IRAK4: variants seen among roughly 807,000 people sequenced by gnomAD.
IRAK4 encodes interleukin-1 receptor-associated kinase 4.
A neutral mutation model predicts 51.8 loss-of-function variants in IRAK4; 44 were observed. That is an observed-to-expected ratio of 0.85 (90% CI 0.67 to 1.09). The LOEUF (loss-of-function observed/expected upper bound fraction) is 1.09, where lower values mean the gene tolerates loss of function less well. IRAK4 is among the 50% of genes least tolerant of loss of function. The pLI is 0.00. For missense variants in IRAK4, 487 were observed against 538.0 expected, an observed-to-expected ratio of 0.91 and a Z score of 0.94; for synonymous variants, 149 against 174.1, an observed-to-expected ratio of 0.86 and a Z score of 1.13.
Position 43,779,769 on chromosome 12 carries a change from T to C in IRAK4, c.941+1467T>C, listed in dbSNP as rs894552556. On this transcript the variant is annotated intron_variant, in intron 8 of 11. Coordinates refer to ENST00000613694, the MANE Select transcript of IRAK4 (RefSeq NM_016123.4). The stretch of plus-strand genomic sequence containing the variant: ...GATGGTTAGAAAATGTGAATTCTCT[T>C]TTGTACATGTTGTGTTTGGGGTGCT... 2.6e-4 allele frequency among the ~76,000 whole-genome samples: 40 copies of C among 152,168 alleles called. 1 individual carries two copies. Among genetic ancestry groups the C allele is most frequent in the African/African-American group, 8.9e-4 (37 of 41,446 alleles).
intron 8 of IRAK4, among the ~76,000 whole-genome samples, chr12:43,779,073 G>A (rs1040316652): frequency 6.6e-6 from 1 of 152,082 alleles, no homozygotes; most frequent in Non-Finnish European, 1.5e-5. Flanking sequence ...ACCTGACTAT[G>A]TTCCCTGAAC....
chr12:43,764,244 C>T (rs915169606), intron 1 of IRAK4, among the ~76,000 whole-genome samples: 4 of 152,042 alleles, frequency 2.6e-5, no homozygotes, highest in African/African-American at 4.8e-5. Flanking sequence ...GTCAACATGG[C>T]GAAACCCCAT....
At chr12:43,763,924 G>A (rs896177572) in intron 1 of IRAK4, among the ~76,000 whole-genome samples, 1 of 152,032 alleles carries the variant, frequency 6.6e-6, no homozygotes, top group Non-Finnish European at 1.5e-5. Context: ...GAAGTCTCTG[G>A]TATGCTACCA....
At chr12:43,780,629 T>C (rs185530922) in intron 8 of IRAK4, among the ~76,000 whole-genome samples, 102 of 151,786 alleles carry the variant, frequency 6.7e-4, no homozygotes, top group Middle Eastern at 3.4e-3. Flanking sequence ...TGGAGTGCGA[T>C]GGCGCGGTCT....
At chr12:43,764,708 T>C (rs186984893) in intron 1 of IRAK4, among the ~76,000 whole-genome samples, 8 of 152,286 alleles carry the variant, frequency 5.3e-5, no homozygotes, top group Admixed American at 3.9e-4. Flanking sequence ...TTGCCCTTGT[T>C]TGATGAGAGA....
At chr12:43,760,271 C>G (rs898349856) in intron 1 of IRAK4, among the ~76,000 whole-genome samples, 1 of 152,244 alleles carries the variant, frequency 6.6e-6, no homozygotes, top group African/African-American at 2.4e-5. Context: ...GACTTCTGCA[C>G]TTGCTCTGCT....
intron 2 of IRAK4, chr12:43,770,959 T>G: frequency 1.6e-6 from 1 of 621,818 alleles, no homozygotes. Context: ...CTATTTTTCT[T>G]TTTCTCTCTC....
intron 10 of IRAK4, among the ~76,000 whole-genome samples, chr12:43,784,677 A>G (rs1942058285): frequency 6.6e-6 from 1 of 152,238 alleles, no homozygotes; most frequent in African/African-American, 2.4e-5. Context: ...AGAAAAACAT[A>G]AGCTGTATCT....
chr12:43,782,323 G>A lies in IRAK4; in HGVS notation c.958G>A (p.Asp320Asn), dbSNP rs1234920189. Residue 320 changes from aspartate (D) to asparagine (N), a missense_variant, in exon 9 of 12, where the codon GAT becomes AAT. Transcript: ENST00000613694. Reference sequence around the variant, plus strand: ...TTTTTTCAGTGCAAATATCTTACTGGATGAAGCTTTTACTGCTAAAATATC... The same window carrying A: ...TTTTTTCAGTGCAAATATCTTACTGAATGAAGCTTTTACTGCTAAAATATC... Reference protein sequence around the residue: ...RDIKSANILLDEAFTAKISDF... With the variant: ...RDIKSANILLNEAFTAKISDF... 6.2e-7 allele frequency: 1 copy of A among 1,612,914 alleles called. No homozygotes were observed. The highest frequency in any genetic ancestry group is 1.3e-5 in the African/African-American group (1 of 74,832).
In IRAK4 at chr12:43,774,429, A is replaced by G. The variant is rs1277444542; in HGVS notation, c.716+400A>G. On this transcript the variant is annotated intron_variant, in intron 6 of 11. Coordinates refer to ENST00000613694, the MANE Select transcript of IRAK4 (RefSeq NM_016123.4). ...CTGGCTAATTTTTTTCTGTATTTTT[A>G]GTAGAGACGGGGTTTCACCGTGTTA... 2.0e-5 allele frequency among the ~76,000 whole-genome samples: 3 copies of G among 152,092 alleles called. No individual in the cohort carries two copies. In the East Asian group the frequency reaches 5.8e-4, roughly 29 times the overall value.
chr12:43,759,911 A>G (rs1222067290), intron 1 of IRAK4, among the ~76,000 whole-genome samples: 1 of 151,890 alleles, frequency 6.6e-6, no homozygotes, highest in African/African-American at 2.4e-5. Context: ...AGAAAGCGAG[A>G]AAGCACTTTG....
In IRAK4 at chr12:43,782,016, G is replaced by A. The variant is rs183984350; in HGVS notation, c.942-291G>A. 5.1e-3 allele frequency among the ~76,000 whole-genome samples: 771 copies of A among 152,198 alleles called. 9 individuals carry two copies. The highest frequency in any genetic ancestry group is 0.017 in the African/African-American group (716 of 41,552). On this transcript the variant is annotated intron_variant, in intron 8 of 11. Coordinates refer to ENST00000613694, the MANE Select transcript of IRAK4 (RefSeq NM_016123.4). ...AATAATGAAAATATCTCTTACTAAT[G>A]TAGACAGTTTTATTTCATTTTTATT...
At chr12:43,777,465 A>T (rs921809828) in intron 6 of IRAK4, among the ~76,000 whole-genome samples, 165 bp from the exon 7 acceptor site, 8 of 152,218 alleles carry the variant, frequency 5.3e-5, no homozygotes, top group Non-Finnish European at 1.2e-4. Context: ...AGAAAATTAT[A>T]AACAGTTACA....
chr12:43,776,619 A>G (rs1009084794), intron 6 of IRAK4, among the ~76,000 whole-genome samples: 3 of 152,254 alleles, frequency 2.0e-5, no homozygotes, highest in Non-Finnish European at 4.4e-5. Flanking sequence ...TCCATATTAC[A>G]TACTGTTTTC....
chr12:43,766,174 CATG>C (rs1940128126), intron 1 of IRAK4, among the ~76,000 whole-genome samples: 1 of 152,176 alleles, frequency 6.6e-6, no homozygotes, highest in African/African-American at 2.4e-5. Context: ...ACATGAGGTA[CATG>C]ATGATCTGGC....
intron 2 of IRAK4, among the ~76,000 whole-genome samples, chr12:43,770,627 T>C (rs1224304578): frequency 2.6e-5 from 4 of 152,232 alleles, no homozygotes; most frequent in Non-Finnish European, 5.9e-5. Context: ...CCTCCTATCT[T>C]TCCTGTCTCT....
chr12:43,779,355 A>G (rs1941575647), intron 8 of IRAK4, among the ~76,000 whole-genome samples: 1 of 152,236 alleles, frequency 6.6e-6, no homozygotes, highest in African/African-American at 2.4e-5. Flanking sequence ...TAGGAAGCTA[A>G]GTCCTATAGG....
intron 6 of IRAK4, 131 bp downstream of exon 6, chr12:43,774,160 AT>A: frequency 1.4e-6 from 1 of 695,098 alleles, no homozygotes; most frequent in Non-Finnish European, 2.5e-6. Context: ...AAGTGTTTAG[AT>A]TAGAGAAATT....
intron 8 of IRAK4, among the ~76,000 whole-genome samples, chr12:43,779,009 G>T (rs1317332623): frequency 1.3e-5 from 2 of 152,082 alleles, no homozygotes; most frequent in Non-Finnish European, 2.9e-5. Context: ...TACAAGAAAT[G>T]AAATATGCTT....
Sources: allele counts gnomAD v4.1 joint callset (sites outside exome capture counted in the v4.1 genomes callset), GRCh38; gene constraint gnomAD v4.1.1; transcripts MANE v1.5; gene names NCBI Gene and HGNC (gene_info 2026-07-23, HGNC 2026-07-21).